Variants in NCKAP1 observed in about 807,000 individuals in gnomAD.
NCKAP1 encodes the protein nck-associated protein 1.
A neutral mutation model predicts 151.2 loss-of-function variants in NCKAP1; 21 were observed. The observed-to-expected ratio is 0.14, with a 90% CI of 0.10 to 0.20. NCKAP1 has a LOEUF of 0.20. Among genes scored for constraint, NCKAP1 ranks in the 10% least tolerant of loss-of-function variants. NCKAP1 has a pLI of 1.00. For missense variants in NCKAP1, 933 were observed against 1,352.1 expected, an observed-to-expected ratio of 0.69 and a Z score of 4.86; for synonymous variants, 484 against 451.8, an observed-to-expected ratio of 1.07 and a Z score of -0.90.
Position 182,914,231 on chromosome 2 carries a change from G to C in NCKAP1, c.*11471C>G. On this transcript the variant is annotated 3_prime_UTR_variant, in exon 31 of 31. Coordinates refer to ENST00000361354, the MANE Select transcript of NCKAP1 (RefSeq NM_013436.5). ...TTTATCATTCTGTCCTCAGTATCTA[G>C]CACATAGTAGGTATTTTAAAAACTA... 1 of 152,296 alleles carries C rather than the reference G, an allele frequency of 6.6e-6. No homozygotes were observed. The highest frequency in any genetic ancestry group is 1.9e-4 in the East Asian group (1 of 5,190). 9.4% of individuals were successfully genotyped at this position (152,296 alleles called of 1,614,324 possible).
chr2:183,023,694 A>G (rs571237144), intron 2 of NCKAP1, 112 bp downstream of exon 2: 63 of 805,676 alleles, frequency 7.8e-5, no homozygotes, highest in Non-Finnish European at 1.2e-4. Context: ...TATAATCTGT[A>G]TATCAAAATG....
intron 18 of NCKAP1, among the ~76,000 whole-genome samples, chr2:182,957,911 A>G (rs1479923996): frequency 6.6e-6 from 1 of 152,248 alleles, no homozygotes; most frequent in Non-Finnish European, 1.5e-5. Flanking sequence ...GGAATGAAAA[A>G]GAATATTTCA....
At position 182,921,778 on chromosome 2, in the gene NCKAP1, G is replaced by A. The variant is rs888012438; in HGVS notation, c.*3924C>T. On this transcript the variant is annotated 3_prime_UTR_variant, in exon 31 of 31. Coordinates refer to ENST00000361354, the MANE Select transcript of NCKAP1 (RefSeq NM_013436.5). ...ACTCTGGACAGTCAAGGACAGCGAT[G>A]TGTAGGGAAAGTTTGGTTCATGCAA... The A allele has an allele frequency of 1.3e-5, 2 of 152,192 alleles. No homozygotes were observed. Among genetic ancestry groups the A allele is most frequent in the Non-Finnish European group, 2.9e-5 (2 of 68,034 alleles). The allele number at this position is 152,192 out of a possible 1,614,324, so 9.4% of individuals were successfully genotyped here.
intron 23 of NCKAP1, among the ~76,000 whole-genome samples, chr2:182,951,518 A>C (rs896069555): frequency 2.0e-5 from 3 of 151,576 alleles, no homozygotes; most frequent in Admixed American, 6.6e-5. Context: ...AAAATACAAA[A>C]ATAAGCCAGG....
chr2:183,036,126 T>C (rs1699098381), intron 1 of NCKAP1, among the ~76,000 whole-genome samples: 2 of 152,058 alleles, frequency 1.3e-5, no homozygotes, highest in African/African-American at 4.8e-5. Context: ...AAACAGGAAG[T>C]GAAAAAAACA....
chr2:182,965,465 G>A (rs903505959), intron 16 of NCKAP1, among the ~76,000 whole-genome samples: 22 of 151,882 alleles, frequency 1.4e-4, no homozygotes, highest in African/African-American at 5.1e-4. Context: ...CTGAAATTGC[G>A]GGTGTGAGCC....
intron 15 of NCKAP1, among the ~76,000 whole-genome samples, chr2:182,968,491 A>T (rs779033748): frequency 1.6e-4 from 25 of 152,304 alleles, no homozygotes; most frequent in Non-Finnish European, 2.2e-4. Context: ...GCCATTTCTT[A>T]GGGTTATATT....
At chr2:183,033,049 C>CA (rs769363557) in intron 1 of NCKAP1, among the ~76,000 whole-genome samples, 30 of 151,836 alleles carry the variant, frequency 2.0e-4, no homozygotes, top group Admixed American at 7.9e-4. Context: ...ACCCTGTCTC[C>CA]AAAAAAAGAG....
At chr2:182,932,462 T>C (rs1031315158) in intron 26 of NCKAP1, among the ~76,000 whole-genome samples, 4 of 151,812 alleles carry the variant, frequency 2.6e-5, no homozygotes, top group African/African-American at 9.7e-5. Context: ...GGGGGAGAAG[T>C]GGAATGGGGA....
intron 24 of NCKAP1, among the ~76,000 whole-genome samples, chr2:182,940,437 G>A (rs1368930601): frequency 3.3e-5 from 5 of 151,596 alleles, no homozygotes; most frequent in Non-Finnish European, 7.4e-5. Flanking sequence ...TTGGTATACA[G>A]CTCCATTTTT....
intron 23 of NCKAP1, among the ~76,000 whole-genome samples, chr2:182,951,699 AG>A (rs1235686981): frequency 6.6e-6 from 1 of 151,860 alleles, no homozygotes; most frequent in African/African-American, 2.4e-5. Flanking sequence ...ACCACCAAAA[AG>A]CTTTTACGAA....
rs1370877969 is a variant in NCKAP1 at position 182,916,950 on chromosome 2, G to C, written c.*8752C>G. ...ACACAAATGTTACATTTGCATGAGT[G>C]GAAGTTCTGATATTATAATACTCAT... is the stretch of plus-strand genomic sequence containing the variant. On this transcript the variant is annotated 3_prime_UTR_variant, in exon 31 of 31. Coordinates refer to ENST00000361354, the MANE Select transcript of NCKAP1 (RefSeq NM_013436.5). 1 of 152,082 alleles carries C rather than the reference G, an allele frequency of 6.6e-6. No individual in the cohort carries two copies. The highest frequency in any genetic ancestry group is 1.5e-5 in the Non-Finnish European group (1 of 68,014). 9.4% of individuals were successfully genotyped at this position (152,082 alleles called of 1,614,324 possible).
Position 182,981,168 on chromosome 2 carries a change from G to A in NCKAP1, c.1341+76C>T, listed in dbSNP as rs1697929076. 1.1e-5 allele frequency: 17 copies of A among 1,506,732 alleles called. 1 individual carries two copies. In the South Asian group the frequency reaches 1.8e-4, roughly 16 times the overall value. The allele number at this position is 1,506,732 out of a possible 1,614,324, so 93.3% of individuals were successfully genotyped here. On this transcript the variant is annotated intron_variant, in intron 13 of 30. Coordinates refer to ENST00000361354, the MANE Select transcript of NCKAP1 (RefSeq NM_013436.5). ...GGCACATGATATTTCATAAATGCTTGTTGAACAAACAAATAAAATACTATC... is the reference window on the plus strand; with the variant it reads ...GGCACATGATATTTCATAAATGCTTATTGAACAAACAAATAAAATACTATC...
intron 23 of NCKAP1, among the ~76,000 whole-genome samples, chr2:182,946,038 C>T (rs1343134302): frequency 1.3e-5 from 2 of 152,064 alleles, no homozygotes; most frequent in Non-Finnish European, 2.9e-5. Context: ...GACCATTATC[C>T]TAAGGGAATT....
In NCKAP1 at chr2:182,982,873, G is replaced by C. The variant is rs1697969083; in HGVS notation, c.1156C>G (p.Leu386Val). Residue 386 changes from leucine (L) to valine (V), a missense_variant, in exon 12 of 31, where the codon CTT becomes GTT. Transcript: ENST00000361354. ...TTTGGCATGTTATCTGCATGACGAAGTAGCCAGATGATTTCATCACGGGCA... is the reference window on the plus strand; with the variant it reads ...TTTGGCATGTTATCTGCATGACGAACTAGCCAGATGATTTCATCACGGGCA... Reference protein sequence around the residue: ...SFARDEIIWLLRHADNMPKKS... With the variant: ...SFARDEIIWLVRHADNMPKKS... The C allele has an allele frequency of 5.6e-6, 9 of 1,611,858 alleles. No homozygotes were observed. Among genetic ancestry groups the C allele is most frequent in the Non-Finnish European group, 7.6e-6 (9 of 1,178,970 alleles).
chr2:182,971,705 A>C (rs1033126356), intron 15 of NCKAP1, among the ~76,000 whole-genome samples: 1 of 152,172 alleles, frequency 6.6e-6, no homozygotes, highest in Non-Finnish European at 1.5e-5. Flanking sequence ...GTGTTGGCAT[A>C]AAAGCAGATA....
In NCKAP1 at chr2:182,953,241, G is replaced by A. The variant is rs759692830; in HGVS notation, c.2244C>T (p.Thr748=). 43 of 1,612,714 alleles carry A rather than the reference G, an allele frequency of 2.7e-5. 1 individual carries two copies. The East Asian group carries it at 6.7e-4, about 25-fold the overall frequency. The change falls in exon 21 of 31, where the codon ACC becomes ACT. Residue 748 remains threonine (T), a synonymous_variant. Transcript: ENST00000361354. The part of the protein sequence containing the change: ...ELLTSVRAYM[T]VLQSIENYVQ... ...CATAGTTTTCTATTGACTGGAGTAC[G>A]GTCATGTATGCTCTTACACTTGTTA...
chr2:183,010,042 CTGTT>C (rs1698563079), intron 2 of NCKAP1, among the ~76,000 whole-genome samples: 1 of 152,182 alleles, frequency 6.6e-6, no homozygotes, highest in Non-Finnish European at 1.5e-5. Context: ...TGCTAGTCTT[CTGTT>C]TAAATTAATT....
intron 24 of NCKAP1, among the ~76,000 whole-genome samples, chr2:182,941,176 A>G (rs1696987482): frequency 6.6e-6 from 1 of 151,998 alleles, no homozygotes; most frequent in Non-Finnish European, 1.5e-5. Flanking sequence ...TTAACCAAGA[A>G]GTATGACTTT....
Sources: gnomAD v4.1 joint callset for allele counts (sites outside exome capture counted in the v4.1 genomes callset) on GRCh38, gnomAD v4.1.1 for gene constraint, MANE v1.5 for transcripts, NCBI Gene and HGNC (gene_info 2026-07-23, HGNC 2026-07-21) for gene names.